Variants in SRGAP1 observed in about 807,000 individuals in gnomAD.
SRGAP1 encodes the protein SLIT-ROBO Rho GTPase-activating protein 1.
A neutral mutation model predicts 121.9 loss-of-function variants in SRGAP1; 43 were observed. That is an observed-to-expected ratio of 0.35 (90% CI 0.28 to 0.46). SRGAP1 has a LOEUF of 0.46. Ranked by LOEUF, SRGAP1 falls within the 20% of genes least tolerant of loss-of-function variation. The pLI is 1.00. For missense variants in SRGAP1, 1,102 were observed against 1,350.9 expected (o/e 0.82, Z 2.89); for synonymous variants, 447 against 485.4 (o/e 0.92, Z 1.04).
In SRGAP1 at chr12:64,073,863, G is replaced by C. The variant is rs73319384; in HGVS notation, c.1126-5056G>C. Among the ~76,000 whole-genome samples the C allele has an allele frequency of 3.5e-4, 53 of 151,028 alleles. 1 individual carries two copies. Among genetic ancestry groups the C allele is most frequent in the African/African-American group, 1.3e-3 (53 of 41,366 alleles). Reference sequence around the variant, plus strand: ...TCTTTTTGCGTTTTTTGGTTGTTCAGATGGATTTTGTGTTTTTTTGTTTGT... The same window carrying C: ...TCTTTTTGCGTTTTTTGGTTGTTCACATGGATTTTGTGTTTTTTTGTTTGT... On this transcript the variant is annotated intron_variant, in intron 8 of 21. Coordinates refer to ENST00000355086, the MANE Select transcript of SRGAP1 (RefSeq NM_020762.4).
intron 18 of SRGAP1, among the ~76,000 whole-genome samples, chr12:64,123,612 A>G (rs2036637279): frequency 6.6e-6 from 1 of 151,940 alleles, no homozygotes; most frequent in Admixed American, 6.6e-5. Flanking sequence ...GTGTTAACAT[A>G]TAATCTAAAA....
intron 1 of SRGAP1, among the ~76,000 whole-genome samples, chr12:63,871,268 T>G (rs1899844103): frequency 6.6e-6 from 1 of 152,260 alleles, no homozygotes; most frequent in Non-Finnish European, 1.5e-5. Flanking sequence ...AAAATGCATG[T>G]AGCTCCTTGC....
chr12:64,014,024 G>A (rs1292631820), intron 3 of SRGAP1, among the ~76,000 whole-genome samples: 3 of 152,142 alleles, frequency 2.0e-5, no homozygotes, highest in African/African-American at 4.8e-5. Context: ...AATAGTGTCT[G>A]GAAAAAGAAA....
chr12:64,068,272 C>CAAAA (rs765189176), intron 8 of SRGAP1, among the ~76,000 whole-genome samples: 17 of 57,300 alleles, frequency 3.0e-4, no homozygotes, highest in South Asian at 7.1e-4. Context: ...AACTCTGTCT[C>CAAAA]AAAAAAAAAA....
chr12:63,901,257 A>G lies in SRGAP1; in HGVS notation c.67+56374A>G, dbSNP rs112744449. ...TAAGAGGTGAGGAACCCCAGGGCAA[A>G]TAATTTCAACACTGGATAAATCTGT... On this transcript the variant is annotated intron_variant, in intron 1 of 21. Coordinates refer to ENST00000355086, the MANE Select transcript of SRGAP1 (RefSeq NM_020762.4). Among the ~76,000 whole-genome samples, 5 of 152,338 alleles carry G rather than the reference A, an allele frequency of 3.3e-5. 1 individual carries two copies. The highest frequency in any genetic ancestry group is 9.6e-5 in the African/African-American group (4 of 41,570).
chr12:64,053,295 A>AT (rs1429847565), intron 6 of SRGAP1, among the ~76,000 whole-genome samples: 1 of 152,228 alleles, frequency 6.6e-6, no homozygotes, highest in Non-Finnish European at 1.5e-5. Flanking sequence ...GCCATAGATA[A>AT]TAAGTAAGCA....
rs143740278 is a variant in SRGAP1, at chr12:64,006,467, C to T, written c.427-10483C>T. ...AACAGCTGTCTGAGGTCTGGAGAGG[C>T]AGGCTGTGGAGGGCACAAGAATTTG... On this transcript the variant is annotated intron_variant, in intron 3 of 21. Transcript: ENST00000355086. Among the ~76,000 whole-genome samples the T allele has an allele frequency of 3.3e-5, 5 of 152,254 alleles. No individual in the cohort carries two copies. The East Asian group carries it at 9.6e-4, about 29-fold the overall frequency.
At chr12:64,112,753 AG>A (rs766803444) in intron 17 of SRGAP1, among the ~76,000 whole-genome samples, 5 of 152,186 alleles carry the variant, frequency 3.3e-5, no homozygotes. Flanking sequence ...TATACCTAGC[AG>A]TGAAGGTCAT....
intron 1 of SRGAP1, among the ~76,000 whole-genome samples, chr12:63,903,608 T>G (rs1434193185): frequency 1.3e-5 from 2 of 148,596 alleles, no homozygotes; most frequent in African/African-American, 5.1e-5. Context: ...CAGGCTGGAG[T>G]GCAATGGCAA....
intron 3 of SRGAP1, among the ~76,000 whole-genome samples, chr12:64,003,695 GAC>G (rs2033986952): frequency 6.6e-6 from 1 of 151,988 alleles, no homozygotes; most frequent in Non-Finnish European, 1.5e-5. Flanking sequence ...GAGCCTCAGG[GAC>G]TTTGGGAATG....
chr12:64,007,000 A>G (rs1431720321), intron 3 of SRGAP1, among the ~76,000 whole-genome samples: 13 of 152,172 alleles, frequency 8.5e-5, no homozygotes, highest in Admixed American at 8.5e-4. Flanking sequence ...CTTATAATCT[A>G]TGCAGACATG....
intron 6 of SRGAP1, among the ~76,000 whole-genome samples, chr12:64,052,769 T>G (rs1188740391): frequency 6.6e-6 from 1 of 152,230 alleles, no homozygotes; most frequent in Non-Finnish European, 1.5e-5. Flanking sequence ...CATTATATAC[T>G]TTTAATGATT....
rs201372704 is a variant in SRGAP1 at position 63,914,009 on chromosome 12, AG to A, written c.67+69127del. On this transcript the variant is annotated intron_variant, in intron 1 of 21. Transcript: ENST00000355086. ...TATCTGTCCTCTGTGCTAGGCTGTA[AG>A]TACCTAAGGGCAAAGTCCCTCTTGT... Among the ~76,000 whole-genome samples the A allele has an allele frequency of 5.5e-3, 842 of 152,262 alleles. 14 individuals carry two copies. The highest frequency in any genetic ancestry group is 3.7e-3 in the Non-Finnish European group (253 of 68,034).
chr12:64,052,218 G>A (rs974661233), intron 6 of SRGAP1, among the ~76,000 whole-genome samples: 1 of 152,076 alleles, frequency 6.6e-6, no homozygotes, highest in African/African-American at 2.4e-5. Context: ...ACTGTGACTG[G>A]GGAGGGGGAA....
rs947909756 is a variant in SRGAP1 at position 64,080,692 on chromosome 12, AC to A, written c.1408+328del. The A allele has an allele frequency of 3.9e-5, 15 of 389,018 alleles. No homozygotes were observed. In the East Asian group the frequency reaches 7.0e-4, roughly 18 times the overall value. 24.1% of individuals were successfully genotyped at this position (389,018 alleles called of 1,614,324 possible). ...AACACTGCCCCTCCCCTACCTGCTG[AC>A]CCCCCAGTCTCTTCTTCCTTCCCTT... On this transcript the variant is annotated intron_variant, in intron 10 of 21. Transcript: ENST00000355086.
intron 15 of SRGAP1, among the ~76,000 whole-genome samples, chr12:64,099,551 G>T (rs2036221608): frequency 6.6e-6 from 1 of 152,144 alleles, no homozygotes; most frequent in African/African-American, 2.4e-5. Flanking sequence ...ATCCTCCCCA[G>T]TCTGATGTCC....
chr12:64,093,688 T>C (rs1163615244), intron 12 of SRGAP1, among the ~76,000 whole-genome samples: 1 of 152,162 alleles, frequency 6.6e-6, no homozygotes, highest in African/African-American at 2.4e-5. Flanking sequence ...TGCGTTTTTA[T>C]TCTTAAGACT....
At chr12:64,056,685 G>A (rs1338418186) in intron 6 of SRGAP1, among the ~76,000 whole-genome samples, 1 of 151,956 alleles carries the variant, frequency 6.6e-6, no homozygotes, top group Non-Finnish European at 1.5e-5. Context: ...TGTATGAACT[G>A]ATGCCTACCT....
At chr12:63,959,585 G>T (rs748463568) in intron 1 of SRGAP1, among the ~76,000 whole-genome samples, 9 of 151,834 alleles carry the variant, frequency 5.9e-5, no homozygotes, top group East Asian at 1.9e-4. Flanking sequence ...TGTGTGAGGG[G>T]TTTTTTTTAA....
Sources: gnomAD v4.1 joint callset for allele counts (sites outside exome capture counted in the v4.1 genomes callset) on GRCh38, gnomAD v4.1.1 for gene constraint, MANE v1.5 for transcripts, NCBI Gene and HGNC (gene_info 2026-07-23, HGNC 2026-07-21) for gene names.